FRS2: variants seen among roughly 807,000 people sequenced by gnomAD.
FRS2 encodes the protein FGFR signalling adaptor.
A neutral mutation model predicts 43.9 loss-of-function variants in FRS2; 8 were observed. The observed-to-expected ratio is 0.18, with a 90% confidence interval of 0.11 to 0.33. The LOEUF (loss-of-function observed/expected upper bound fraction) is 0.33, where lower values mean the gene tolerates loss of function less well. FRS2 is among the 10% of genes least tolerant of loss of function. The pLI is 1.00. For synonymous variants in FRS2, 219 were observed against 220.3 expected, an observed-to-expected ratio of 0.99 and a Z score of 0.05; for missense variants, 534 against 627.6, an observed-to-expected ratio of 0.85 and a Z score of 1.59.
At chr12:69,474,630 A>G (rs10444582) in intron 1 of FRS2, among the ~76,000 whole-genome samples, 1 of 151,954 alleles carries the variant, frequency 6.6e-6, no homozygotes, top group Non-Finnish European at 1.5e-5. Flanking sequence ...CAAGAATACT[A>G]TGCTATCTTT....
chr12:69,509,600 C>T (rs553258247), intron 1 of FRS2, among the ~76,000 whole-genome samples: 6 of 152,220 alleles, frequency 3.9e-5, no homozygotes, highest in East Asian at 1.9e-4. Flanking sequence ...CTCCCCATTT[C>T]CCCCTCCCTA....
intron 1 of FRS2, among the ~76,000 whole-genome samples, chr12:69,482,545 C>G (rs1871437448): frequency 6.6e-6 from 1 of 152,136 alleles, no homozygotes; most frequent in Admixed American, 6.5e-5. Context: ...TGGGAGCCTA[C>G]TATATTAGGC....
chr12:69,553,320 C>T (rs774627959), intron 3 of FRS2, among the ~76,000 whole-genome samples: 35 of 152,202 alleles, frequency 2.3e-4, no homozygotes, highest in Non-Finnish European at 4.9e-4. Context: ...ATCCGCCTGC[C>T]TCAGCCTCCC....
chr12:69,488,197 A>G (rs2120879645), intron 1 of FRS2, among the ~76,000 whole-genome samples: 1 of 152,328 alleles, frequency 6.6e-6, no homozygotes, highest in East Asian at 1.9e-4. Flanking sequence ...TGTGGGTAAA[A>G]TGCAGTAAAT....
intron 3 of FRS2, among the ~76,000 whole-genome samples, chr12:69,541,223 G>A (rs542082982): frequency 9.9e-4 from 151 of 152,200 alleles, no homozygotes; most frequent in Non-Finnish European, 1.6e-3. Flanking sequence ...AGTAAAGGAG[G>A]ATATCAGATA....
At chr12:69,533,279 C>T (rs1876975177) in intron 3 of FRS2, among the ~76,000 whole-genome samples, 2 of 151,874 alleles carry the variant, frequency 1.3e-5, no homozygotes, top group South Asian at 2.1e-4. Context: ...GTGGAAGGTC[C>T]ACCTCTGTTA....
chr12:69,547,816 T>C (rs1317571196), intron 3 of FRS2, among the ~76,000 whole-genome samples: 1 of 150,130 alleles, frequency 6.7e-6, no homozygotes, highest in East Asian at 2.0e-4. Flanking sequence ...TTTAGAAAAA[T>C]GTATCCATTA....
At position 69,557,619 on chromosome 12, in the gene FRS2, T is replaced by TGTGTGTGTGTGTGTGC. The variant is rs1555192498; in HGVS notation, c.-121-4560_-121-4559insTGTGTGTGTGTGTGCG. Among the ~76,000 whole-genome samples, 728 of 118,972 alleles carry TGTGTGTGTGTGTGTGC rather than the reference T, an allele frequency of 6.1e-3. 21 individuals carry two copies. In the East Asian group the frequency reaches 0.096, roughly 16 times the overall value. 78.1% of individuals were successfully genotyped at this position (118,972 alleles called of 152,430 possible). ...TTGTGTGTGTGTGTGTGTGTGTGTG[T>TGTGTGTGTGTGTGTGC]GCGCGCGCGCGCGCGCGCAGGTGCA... On this transcript the variant is annotated intron_variant, in intron 3 of 8. Transcript: ENST00000549921.
chr12:69,507,095 C>T (rs1056792979), intron 1 of FRS2, among the ~76,000 whole-genome samples: 35 of 152,168 alleles, frequency 2.3e-4, no homozygotes, highest in African/African-American at 7.5e-4. Flanking sequence ...GCTTCCATAA[C>T]TGTAAGAAAT....
chr12:69,569,401 A>C (rs967745870), intron 5 of FRS2, among the ~76,000 whole-genome samples: 1 of 151,988 alleles, frequency 6.6e-6, no homozygotes, highest in East Asian at 1.9e-4. Context: ...TATTATTTTC[A>C]TGTGTGCCTG....
chr12:69,526,050 G>A (rs2135637366), intron 1 of FRS2, among the ~76,000 whole-genome samples: 2 of 152,138 alleles, frequency 1.3e-5, no homozygotes, highest in African/African-American at 4.8e-5. Flanking sequence ...GTAGAGACGG[G>A]TTTCACCATG....
intron 3 of FRS2, among the ~76,000 whole-genome samples, chr12:69,558,663 A>G (rs1052356110): frequency 1.3e-5 from 2 of 152,080 alleles, no homozygotes; most frequent in Non-Finnish European, 2.9e-5. Flanking sequence ...GACTTTTTTG[A>G]TGCTATTTCT....
chr12:69,521,488 A>G (rs1367194608), intron 1 of FRS2, among the ~76,000 whole-genome samples: 5 of 152,160 alleles, frequency 3.3e-5, no homozygotes, highest in Non-Finnish European at 5.9e-5. Context: ...GCTGGTTTTT[A>G]AGGGGAATGC....
chr12:69,557,754 T>A (rs1038222188), intron 3 of FRS2: 1 of 152,118 alleles, frequency 6.6e-6, no homozygotes, highest in African/African-American at 2.4e-5. Context: ...TTATGGGCGC[T>A]CCAATTTAAT....
At chr12:69,569,163 A>G (rs1880543737) in intron 5 of FRS2, 67 bp downstream of exon 5, 1 of 873,836 alleles carries the variant, frequency 1.1e-6, no homozygotes. Context: ...ATTTCACTTA[A>G]CATATCTTAT....
Position 69,578,897 on chromosome 12 carries a change from ATTTCT to A in FRS2, c.*3946_*3950del, listed in dbSNP as rs1473022460. On this transcript the variant is annotated 3_prime_UTR_variant, in exon 9 of 9. Coordinates refer to ENST00000549921, the MANE Select transcript of FRS2 (RefSeq NM_001278356.2). ...AATATGAATTTTACCCCCATGGTTA[ATTTCT>A]TTTATAAACATTCCATATTTCTCTA... 6.6e-6 allele frequency: 1 copy of A among 152,624 alleles called. No individual in the cohort carries two copies. The highest frequency in any genetic ancestry group is 1.5e-5 in the Non-Finnish European group (1 of 68,028). 9.5% of individuals were successfully genotyped at this position (152,624 alleles called of 1,614,324 possible). A position where few individuals can be genotyped will look rare whatever the true frequency, so the allele number is the denominator to read the frequency against.
intron 1 of FRS2, among the ~76,000 whole-genome samples, chr12:69,497,681 A>G (rs1279578418): frequency 1.3e-5 from 2 of 152,252 alleles, no homozygotes; most frequent in African/African-American, 2.4e-5. Context: ...CCTGAAGAGC[A>G]TGGGAGAGTG....
chr12:69,486,910 A>G lies in FRS2; in HGVS notation c.-261+16380A>G, dbSNP rs146877205. ...CTGCAGAAAAAAGGTTTGAAGCCAA[A>G]TAGAGGTTGGTTCATGAGGTTTAAG... On this transcript the variant is annotated intron_variant, in intron 1 of 8. Transcript: ENST00000549921. 2.0e-3 allele frequency among the ~76,000 whole-genome samples: 303 copies of G among 152,342 alleles called. 1 individual carries two copies. Among genetic ancestry groups the G allele is most frequent in the Non-Finnish European group, 3.4e-3 (233 of 68,030 alleles).
chr12:69,487,882 T>C (rs1872099890), intron 1 of FRS2, among the ~76,000 whole-genome samples: 1 of 152,192 alleles, frequency 6.6e-6, no homozygotes, highest in Non-Finnish European at 1.5e-5. Flanking sequence ...CTTTGAGAGA[T>C]TGAAGACTTC....
Sources: allele counts gnomAD v4.1 joint callset (sites outside exome capture counted in the v4.1 genomes callset), GRCh38; gene constraint gnomAD v4.1.1; transcripts MANE v1.5; gene names NCBI Gene and HGNC (gene_info 2026-07-23, HGNC 2026-07-21).